The following CFAP54 variants were observed in gnomAD, a reference collection of about 807,000 sequenced individuals.
The protein encoded by CFAP54 is cilia and flagella associated protein 54.
CFAP54 carries 290 observed loss-of-function variants against 370.4 expected under a neutral mutation model. That is an observed-to-expected ratio of 0.78 (90% CI 0.71 to 0.86). The LOEUF is 0.86. CFAP54 is among the 40% of genes least tolerant of loss of function. The pLI is 0.00. For synonymous variants in CFAP54, 1,206 were observed against 1,236.5 expected (o/e 0.98, Z 0.52); for missense variants, 3,399 against 3,528.7 (o/e 0.96, Z 0.93).
Position 96,739,696 on chromosome 12 carries a change from G to A in CFAP54, c.6966-260G>A, listed in dbSNP as rs951919691. ...ATTTTTTAGTTTCTATTATGTCTCA[G>A]TCACTATGGTAGATGCTCAATTTCA... On this transcript the variant is annotated intron_variant, in intron 50 of 67. Transcript: ENST00000524981. 3.3e-5 allele frequency among the ~76,000 whole-genome samples: 5 copies of A among 151,912 alleles called. No individual in the cohort carries two copies. The East Asian group carries it at 9.6e-4, about 29-fold the overall frequency.
intron 8 of CFAP54, among the ~76,000 whole-genome samples, chr12:96,525,596 A>G (rs1369732176): frequency 5.3e-5 from 8 of 152,158 alleles, no homozygotes; most frequent in Non-Finnish European, 7.4e-5. Context: ...CTGTTTCAAT[A>G]TGTATTTTTA....
chr12:96,688,962 T>C lies in CFAP54; in HGVS notation c.6061T>C (p.Leu2021=), dbSNP rs566184989. Reference sequence around the variant, plus strand: ...TGAAAAGAAAACTGACTGTTGCATTTTGTCTGCGTTACTCTTTCAGGTAAC... The same window carrying C: ...TGAAAAGAAAACTGACTGTTGCATTCTGTCTGCGTTACTCTTTCAGGTAAC... ...NVEKKTDCCI[L]SALLFQGLLR... The change falls in exon 43 of 68, where the codon TTG becomes CTG. Residue 2021 remains leucine, a synonymous_variant. Transcript: ENST00000524981. 6 of 1,585,214 alleles carry C rather than the reference T, an allele frequency of 3.8e-6. No individual in the cohort carries two copies. Among genetic ancestry groups the C allele is most frequent in the African/African-American group, 1.4e-5 (1 of 73,606 alleles).
intron 65 of CFAP54, among the ~76,000 whole-genome samples, chr12:96,823,951 T>A (rs1199536594): frequency 6.6e-6 from 1 of 152,006 alleles, no homozygotes; most frequent in East Asian, 1.9e-4. Flanking sequence ...TTAGGAAGTT[T>A]TTTCTCCCCC....
chr12:96,850,495 T>C (rs1434209043), intron 66 of CFAP54, among the ~76,000 whole-genome samples: 2 of 151,932 alleles, frequency 1.3e-5, no homozygotes, highest in Non-Finnish European at 2.9e-5. Context: ...AGTTGTCAGG[T>C]AGGGGAGTGG....
chr12:96,617,093 T>A (rs1424947757), intron 26 of CFAP54, among the ~76,000 whole-genome samples: 3 of 152,178 alleles, frequency 2.0e-5, no homozygotes, highest in Admixed American at 2.0e-4. Context: ...GTGGTAATAT[T>A]CAGCTACCTG....
intron 66 of CFAP54, among the ~76,000 whole-genome samples, chr12:96,849,914 A>G (rs947033428): frequency 6.6e-6 from 1 of 152,056 alleles, no homozygotes; most frequent in Non-Finnish European, 1.5e-5. Context: ...TTATTCCCTC[A>G]TCTCCACAAA....
chr12:96,711,783 G>A (rs1957618308), intron 48 of CFAP54, among the ~76,000 whole-genome samples: 1 of 152,132 alleles, frequency 6.6e-6, no homozygotes, highest in Non-Finnish European at 1.5e-5. Flanking sequence ...TCTTCACATT[G>A]GGATGCCAGA....
Position 96,808,732 on chromosome 12 carries a change from T to C in CFAP54, c.8851-3004T>C, listed in dbSNP as rs977246240. Among the ~76,000 whole-genome samples, 7 of 152,292 alleles carry C rather than the reference T, an allele frequency of 4.6e-5. No individual in the cohort carries two copies. The East Asian group carries it at 1.3e-3, about 29-fold the overall frequency. On this transcript the variant is annotated intron_variant, in intron 63 of 67. Transcript: ENST00000524981. ...CTGCCAATCATTAGTATGCACATTT[T>C]CTATAAAAAATGCAGACCAGATGTT...
chr12:96,668,616 T>C (rs1946265186), intron 39 of CFAP54, among the ~76,000 whole-genome samples: 1 of 152,228 alleles, frequency 6.6e-6, no homozygotes, highest in South Asian at 2.1e-4. Flanking sequence ...TTATGGGAGC[T>C]ACAATTCAAG....
chr12:96,533,026 C>T (rs1362042584), intron 9 of CFAP54, among the ~76,000 whole-genome samples: 1 of 152,098 alleles, frequency 6.6e-6, no homozygotes, highest in Non-Finnish European at 1.5e-5. Context: ...TTTCTTTCTA[C>T]TTATACAGTG....
rs1325462804 is a variant in CFAP54, at chr12:96,522,148, T to C, written c.1117T>C (p.Phe373Leu). 10 of 1,535,420 alleles carry C rather than the reference T, an allele frequency of 6.5e-6. No homozygotes were observed. The highest frequency in any genetic ancestry group is 8.7e-6 in the Non-Finnish European group (10 of 1,146,724). The change falls in exon 8 of 68, where the codon TTT becomes CTT. Residue 373 changes from phenylalanine (F) to leucine (L), a missense_variant. Physicochemically the swap from Phe to Leu is conservative, Grantham distance 22 (BLOSUM62 0). Transcript: ENST00000524981. ...ATCTAGAAGAAAAAACAAAGCTGTC[T>C]TTAGACCTAAGATAAGAATTAACCT... is the stretch of plus-strand genomic sequence containing the variant. ...FESRRKNKAV[F>L]RPKIRINLRE...
chr12:96,736,694 G>C (rs534443507), intron 50 of CFAP54, among the ~76,000 whole-genome samples: 18 of 152,298 alleles, frequency 1.2e-4, no homozygotes, highest in African/African-American at 4.1e-4. Context: ...AAGAAACAAA[G>C]ATGGCAATAT....
In CFAP54 at chr12:96,822,903, T is replaced by A. The variant is rs954220712; in HGVS notation, c.9096+4990T>A. ...ACTCAGTCTATGTAGAGATTTTTGT[T>A]TCTTTTCTCCTTCCCAGTCTGGCTC... On this transcript the variant is annotated intron_variant, in intron 65 of 67. Transcript: ENST00000524981. Among the ~76,000 whole-genome samples, 7 of 152,064 alleles carry A rather than the reference T, an allele frequency of 4.6e-5. 1 individual carries two copies. The highest frequency in any genetic ancestry group is 7.4e-5 in the Non-Finnish European group (5 of 67,992).
chr12:96,860,207 C>T (rs1158304367), intron 66 of CFAP54, among the ~76,000 whole-genome samples: 1 of 146,564 alleles, frequency 6.8e-6, no homozygotes, highest in Non-Finnish European at 1.5e-5. Flanking sequence ...GGTCATTCTA[C>T]ACAAGTATAT....
At chr12:96,720,765 T>A (rs1051259092) in intron 50 of CFAP54, among the ~76,000 whole-genome samples, 200 bp downstream of exon 50, 4 of 152,200 alleles carry the variant, frequency 2.6e-5, no homozygotes, top group Non-Finnish European at 4.4e-5. Flanking sequence ...CTCATGCCTG[T>A]AATCCCAGCA....
intron 46 of CFAP54, among the ~76,000 whole-genome samples, chr12:96,702,934 ACT>A (rs1957506561): frequency 6.6e-6 from 1 of 152,212 alleles, no homozygotes; most frequent in African/African-American, 2.4e-5. Flanking sequence ...TTAACATTAT[ACT>A]CATATTGGTA....
chr12:96,731,044 T>TA (rs1957914283), intron 50 of CFAP54, among the ~76,000 whole-genome samples: 1 of 152,196 alleles, frequency 6.6e-6, no homozygotes, highest in Non-Finnish European at 1.5e-5. Context: ...AGAACCATAT[T>TA]AATAAAATTA....
intron 37 of CFAP54, 49 bp downstream of exon 37, chr12:96,658,154 A>G: frequency 6.3e-7 from 1 of 1,584,366 alleles, no homozygotes; most frequent in South Asian, 1.2e-5. Context: ...TCATTGAAAA[A>G]AAAAAAAGTC....
At position 96,549,702 on chromosome 12, in the gene CFAP54, A is replaced by G. The variant is rs1955675284; in HGVS notation, c.2154+1724A>G. ...GTGTCCTCATCTGGAAAATTATAAT[A>G]GTACCTATTCCACTGAGTTGTTATA... On this transcript the variant is annotated intron_variant, in intron 15 of 67. Coordinates refer to ENST00000524981, the MANE Select transcript of CFAP54 (RefSeq NM_001306084.2). 2.0e-5 allele frequency among the ~76,000 whole-genome samples: 3 copies of G among 152,232 alleles called. 1 individual carries two copies.
Sources: allele counts gnomAD v4.1 joint callset (sites outside exome capture counted in the v4.1 genomes callset), GRCh38; gene constraint gnomAD v4.1.1; transcripts MANE v1.5; gene names NCBI Gene and HGNC (gene_info 2026-07-23, HGNC 2026-07-21).